Variants in WDPCP observed in about 807,000 individuals in gnomAD.
WDPCP encodes WD repeat-containing and planar cell polarity effector protein fritz homolog.
In WDPCP, 71 loss-of-function variants were observed where a neutral mutation model predicts 93.1. The ratio of observed to expected loss-of-function variants is 0.76; its 90% confidence interval spans 0.63 to 0.93. WDPCP has a LOEUF of 0.93. Ranked by LOEUF, WDPCP falls within the 40% of genes least tolerant of loss-of-function variation. WDPCP has a pLI of 0.00. For missense variants in WDPCP, 844 were observed against 887.4 expected, an observed-to-expected ratio of 0.95 and a Z score of 0.62; for synonymous variants, 315 against 315.0, an observed-to-expected ratio of 1.00 and a Z score of 0.00.
chr2:63,739,399 T>C (rs1477032306), intron 2 of WDPCP, among the ~76,000 whole-genome samples: 1 of 152,200 alleles, frequency 6.6e-6, no homozygotes, highest in Non-Finnish European at 1.5e-5. Context: ...GGTGTATATG[T>C]ACCACATTTT....
intron 12 of WDPCP, among the ~76,000 whole-genome samples, chr2:63,343,650 C>T (rs1338953641): frequency 6.6e-6 from 1 of 151,974 alleles, no homozygotes; most frequent in Non-Finnish European, 1.5e-5. Context: ...TCTAGGGCTC[C>T]CATAATATAT....
chr2:63,741,361 T>C (rs562746904), intron 2 of WDPCP, among the ~76,000 whole-genome samples: 172 of 152,216 alleles, frequency 1.1e-3, no homozygotes, highest in Admixed American at 2.5e-3. Flanking sequence ...TGAGTTAAGA[T>C]ACCTGCACAG....
At position 63,433,822 on chromosome 2, in the gene WDPCP, A is replaced by G; in HGVS notation, c.748T>C (p.Trp250Arg). 1 of 1,614,022 alleles carries G rather than the reference A, an allele frequency of 6.2e-7. No homozygotes were observed. Residue 250 changes from tryptophan to arginine, a missense_variant, in exon 9 of 18, where the codon TGG (tryptophan) becomes CGG (arginine). Transcript: ENST00000272321. ...TCAGAAGAAATGGGGGCCCAAGGCC[A>G]AGCATCATCGTTGACCAGTGGCCAC... ...CWWPLVNDDA[W>R]PWAPISSEKD...
intron 1 of WDPCP, among the ~76,000 whole-genome samples, chr2:63,543,983 A>G (rs886961100): frequency 1.3e-5 from 2 of 152,120 alleles, no homozygotes; most frequent in South Asian, 2.1e-4. Flanking sequence ...TGAGCTTAAA[A>G]TGCAATACAA....
At chr2:63,399,163 TAA>T (rs1053391231) in intron 10 of WDPCP, among the ~76,000 whole-genome samples, 13 of 152,180 alleles carry the variant, frequency 8.5e-5, no homozygotes, top group Admixed American at 5.2e-4. Flanking sequence ...CTATAAAACT[TAA>T]GAGTCATATT....
intron 10 of WDPCP, among the ~76,000 whole-genome samples, chr2:63,399,506 G>C (rs1693984431): frequency 6.6e-6 from 1 of 151,062 alleles, no homozygotes; most frequent in Non-Finnish European, 1.5e-5. Context: ...CTGAAGAAAA[G>C]CTAGGTGTAC....
At chr2:63,469,272 T>C (rs1390494546) in intron 6 of WDPCP, among the ~76,000 whole-genome samples, 1 of 152,152 alleles carries the variant, frequency 6.6e-6, no homozygotes, top group African/African-American at 2.4e-5. Flanking sequence ...TTCAACCACT[T>C]GGGGGAAAGC....
intron 2 of WDPCP, among the ~76,000 whole-genome samples, chr2:63,780,828 A>G (rs1642906016): frequency 6.6e-6 from 1 of 152,352 alleles, no homozygotes. Context: ...AGTAAAGAAA[A>G]TAAATAGGTA....
In WDPCP at chr2:63,382,029, T is replaced by C; in HGVS notation, c.1501A>G (p.Ile501Val). ...IIFQYIHCDEIYEAINILSSM... is the reference protein window; with the variant it reads ...IIFQYIHCDEVYEAINILSSM... ...CTCAGGATGTTTATTGCCTCATAGA[T>C]CTCATCACAGTGAATGTACTGGAAG... Residue 501 changes from isoleucine (I) to valine (V), a missense_variant, in exon 11 of 18, where the codon ATC becomes GTC. Coordinates refer to ENST00000272321, the MANE Select transcript of WDPCP (RefSeq NM_015910.7). 1 of 1,613,482 alleles carries C rather than the reference T, an allele frequency of 6.2e-7. No individual in the cohort carries two copies. Among genetic ancestry groups the C allele is most frequent in the Non-Finnish European group, 8.5e-7 (1 of 1,179,714 alleles).
intron 2 of WDPCP, among the ~76,000 whole-genome samples, chr2:63,759,777 C>T (rs762093979): frequency 2.0e-5 from 3 of 152,242 alleles, no homozygotes; most frequent in Non-Finnish European, 4.4e-5. Context: ...CGGCCTGCTG[C>T]CACAATCCAC....
intron 3 of WDPCP, chr2:63,605,179 G>A (rs1709502834): frequency 2.6e-6 from 2 of 774,036 alleles, no homozygotes; most frequent in Non-Finnish European, 4.3e-6. Context: ...GAAACATTAA[G>A]CTCTGGTCAT....
At chr2:63,646,137 G>A (rs1298591913) in intron 3 of WDPCP, among the ~76,000 whole-genome samples, 1 of 151,832 alleles carries the variant, frequency 6.6e-6, no homozygotes, top group African/African-American at 2.4e-5. Flanking sequence ...ATATGATCTA[G>A]TTTCTTGCTT....
intron 10 of WDPCP, among the ~76,000 whole-genome samples, chr2:63,383,782 A>T (rs1170720631): frequency 2.6e-5 from 4 of 152,184 alleles, no homozygotes; most frequent in Non-Finnish European, 4.4e-5. Context: ...AGAATATGTA[A>T]GCAAAAAATC....
intron 12 of WDPCP, among the ~76,000 whole-genome samples, chr2:63,335,018 G>A (rs1168095497): frequency 6.6e-6 from 1 of 152,150 alleles, no homozygotes; most frequent in Non-Finnish European, 1.5e-5. Context: ...CCAACTGAGT[G>A]AGACAAATGC....
At chr2:63,655,374 T>G (rs180736777) in intron 2 of WDPCP, among the ~76,000 whole-genome samples, 69 of 152,084 alleles carry the variant, frequency 4.5e-4, no homozygotes, top group African/African-American at 1.6e-3. Context: ...ATTCTAGTAT[T>G]ACAAACACAT....
At chr2:63,437,850 A>G in intron 7 of WDPCP, 1 of 1,598,192 alleles carries the variant, frequency 6.3e-7, no homozygotes. Context: ...TTTTTAAAAA[A>G]CTATTTCGCA....
At chr2:63,277,805 T>A (rs1196374993) in intron 13 of WDPCP, among the ~76,000 whole-genome samples, 1 of 152,150 alleles carries the variant, frequency 6.6e-6, no homozygotes, top group Admixed American at 6.5e-5. Flanking sequence ...ACAATAATAG[T>A]GGGGGCCTTT....
At chr2:63,461,823 T>C (rs1699030621) in intron 6 of WDPCP, among the ~76,000 whole-genome samples, 1 of 152,236 alleles carries the variant, frequency 6.6e-6, no homozygotes. Context: ...CACGTTTCTC[T>C]ATCCCTTTTA....
intron 1 of WDPCP, among the ~76,000 whole-genome samples, chr2:63,554,730 A>C (rs1705948542): frequency 6.6e-6 from 1 of 152,194 alleles, no homozygotes; most frequent in African/African-American, 2.4e-5. Flanking sequence ...TCAAAATTTC[A>C]CCTACTACTG....
Sources: gnomAD v4.1 joint callset for allele counts (sites outside exome capture counted in the v4.1 genomes callset) on GRCh38, gnomAD v4.1.1 for gene constraint, MANE v1.5 for transcripts, NCBI Gene and HGNC (gene_info 2026-07-23, HGNC 2026-07-21) for gene names.